The following AGAP1 variants were observed in gnomAD, a reference collection of about 807,000 sequenced individuals.
AGAP1 encodes the protein arf-GAP with GTPase, ANK repeat and PH domain-containing protein 1.
Under a neutral mutation model 105.3 loss-of-function variants are expected in AGAP1, and 29 were observed. The ratio of observed to expected loss-of-function variants is 0.28; its 90% CI spans 0.21 to 0.38. AGAP1 has a LOEUF of 0.38. AGAP1 is among the 10% of genes least tolerant of loss of function. The pLI is 1.00. For missense variants in AGAP1, 998 were observed against 1,165.1 expected (o/e 0.86, Z 2.09); for synonymous variants, 509 against 485.9 (o/e 1.05, Z -0.63).
intron 5 of AGAP1, among the ~76,000 whole-genome samples, chr2:235,746,428 C>T (rs1005501135): frequency 3.3e-4 from 34 of 102,404 alleles, no homozygotes; most frequent in Non-Finnish European, 5.6e-4. Flanking sequence ...TACGTGGTCG[C>T]TCTCACTCCT....
In AGAP1 at chr2:235,968,473, G is replaced by A. The variant is rs1259666321; in HGVS notation, c.1495G>A (p.Gly499Ser). 1 of 1,601,542 alleles carries A rather than the reference G, an allele frequency of 6.2e-7. No individual in the cohort carries two copies. Among genetic ancestry groups the A allele is most frequent in the African/African-American group, 1.4e-5 (1 of 73,460 alleles). Residue 499 changes from glycine (G) to serine (S), a missense_variant, in exon 13 of 18, where the codon GGT becomes AGT. Gly to Ser is a moderately conservative substitution (Grantham distance 56, BLOSUM62 0). Coordinates refer to ENST00000304032, the MANE Select transcript of AGAP1 (RefSeq NM_001037131.3). ...CGGTCCAATGGCAGACACAGGGCTG[G>A]GTGACTCCGTATGCTCCAGCCCCAG... ...NSAISSDTGLGDSVCSSPSIS... is the reference protein window; with the variant it reads ...NSAISSDTGLSDSVCSSPSIS...
At chr2:235,844,208 C>T (rs1435694579) in intron 9 of AGAP1, among the ~76,000 whole-genome samples, 1 of 152,230 alleles carries the variant, frequency 6.6e-6, no homozygotes, top group Admixed American at 6.5e-5. Context: ...TCTCCACTCC[C>T]TGTCCATCTT....
In AGAP1 at chr2:236,020,355, G is replaced by A. The variant is rs1001269780; in HGVS notation, c.1646-16206G>A. Among the ~76,000 whole-genome samples, 4 of 152,214 alleles carry A rather than the reference G, an allele frequency of 2.6e-5. No individual in the cohort carries two copies. Among genetic ancestry groups the A allele is most frequent in the Non-Finnish European group, 4.4e-5 (3 of 68,042 alleles). ...GCCAGGAACAGAGATTTGAAAAGAC[G>A]TGTTGCCCATGAAGCATAGGGGGGA... On this transcript the variant is annotated intron_variant, in intron 13 of 17. Transcript: ENST00000304032. This position sits in a 1 kb window ranked among gnomAD's most constrained non-coding sequence, Gnocchi z 5.0.
At chr2:236,033,768 C>T (rs553579962) in intron 13 of AGAP1, among the ~76,000 whole-genome samples, 95 of 152,376 alleles carry the variant, frequency 6.2e-4, no homozygotes, top group African/African-American at 2.1e-3. Flanking sequence ...ACAAGCTCAG[C>T]TCTTAGCCTT....
At chr2:235,895,428 T>G (rs1408230445) in intron 10 of AGAP1, among the ~76,000 whole-genome samples, 1 of 152,196 alleles carries the variant, frequency 6.6e-6, no homozygotes, top group Non-Finnish European at 1.5e-5. Context: ...TTATCTGGCC[T>G]CCGGGTCTTC....
At chr2:235,500,713 G>A (rs902257151) in intron 1 of AGAP1, among the ~76,000 whole-genome samples, 2 of 152,182 alleles carry the variant, frequency 1.3e-5, no homozygotes, top group African/African-American at 2.4e-5. Context: ...TCATGATGCT[G>A]TTTGAAAAGC....
rs1336639474 is a variant in AGAP1 at position 235,622,671 on chromosome 2, C to T, written c.164-86508C>T. On this transcript the variant is annotated intron_variant, in intron 1 of 17. Transcript: ENST00000304032. The surrounding 1 kb of genome is among the most constrained non-coding windows in gnomAD (Gnocchi z 5.0). ...CTGGCTGGATCAGAAGCACATGGTT[C>T]AGTGGACACTGTCAGAGGTGCTGTG... Among the ~76,000 whole-genome samples the T allele has an allele frequency of 6.6e-6, 1 of 152,092 alleles. No individual in the cohort carries two copies. Among genetic ancestry groups the T allele is most frequent in the Non-Finnish European group, 1.5e-5 (1 of 68,030 alleles).
At chr2:236,103,983 C>T (rs1220053547) in intron 16 of AGAP1, among the ~76,000 whole-genome samples, 1 of 152,260 alleles carries the variant, frequency 6.6e-6, no homozygotes, top group Non-Finnish European at 1.5e-5. Flanking sequence ...CGCCTTACGT[C>T]CTTACTATGT....
chr2:235,758,933 C>G (rs999530097), intron 6 of AGAP1, among the ~76,000 whole-genome samples: 7 of 152,158 alleles, frequency 4.6e-5, no homozygotes, highest in Admixed American at 1.3e-4. Context: ...GCTGGGATTA[C>G]AGGTGCGTGC....
chr2:235,585,954 A>C (rs1248048263), intron 1 of AGAP1, among the ~76,000 whole-genome samples: 1 of 152,144 alleles, frequency 6.6e-6, no homozygotes, highest in African/African-American at 2.4e-5. Context: ...TACATGGAGA[A>C]ATCAGTTAAA....
intron 6 of AGAP1, chr2:235,773,766 TTTCTTCGGAGAATCACAGTTTA>T: frequency 2.7e-6 from 1 of 368,750 alleles, no homozygotes; most frequent in Admixed American, 4.0e-5. Flanking sequence ...GGGGGCTGGT[TTTCTTCGGAGAATCACAGTTTA>T]TCTTCTAATT....
chr2:236,124,480 A>G lies in AGAP1; in HGVS notation c.*358A>G. 1 of 304,618 alleles carries G rather than the reference A, an allele frequency of 3.3e-6. No homozygotes were observed. Among genetic ancestry groups the G allele is most frequent in the Non-Finnish European group, 6.2e-6 (1 of 160,712 alleles). 18.9% of individuals were successfully genotyped at this position (304,618 alleles called of 1,614,324 possible). On this transcript the variant is annotated 3_prime_UTR_variant, in exon 18 of 18. Coordinates refer to ENST00000304032, the MANE Select transcript of AGAP1 (RefSeq NM_001037131.3). This position sits in a 1 kb window ranked among gnomAD's most constrained non-coding sequence, Gnocchi z 5.1. The stretch of plus-strand genomic sequence containing the variant: ...GGAGGGGAGGCGAGGAACAAGGAGA[A>G]GGGGCAACTTTCCTTAACTGGCAGT...
intron 8 of AGAP1, 91 bp from the exon 9 acceptor site, chr2:235,807,148 G>T: frequency 7.7e-7 from 1 of 1,299,370 alleles, no homozygotes; most frequent in Non-Finnish European, 1.1e-6. Flanking sequence ...TTTTCTAAAT[G>T]TGTATTGGCA....
At chr2:235,896,037 G>A (rs74641261) in intron 10 of AGAP1, among the ~76,000 whole-genome samples, 3,494 of 152,250 alleles carry the variant, frequency 0.023, 107 homozygotes, top group African/African-American at 0.08. Context: ...CGTTCACGTT[G>A]TTGGGCAGTC....
At chr2:235,782,222 C>A (rs1011881429) in intron 6 of AGAP1, among the ~76,000 whole-genome samples, 1 of 151,466 alleles carries the variant, frequency 6.6e-6, no homozygotes. Context: ...TGAAGGATAA[C>A]TTTGGCTACT....
At chr2:235,817,554 A>G (rs1197775237) in intron 9 of AGAP1, among the ~76,000 whole-genome samples, 6 of 152,130 alleles carry the variant, frequency 3.9e-5, no homozygotes, top group Non-Finnish European at 8.8e-5. Flanking sequence ...GCTATAAGTA[A>G]ATATATAGGA....
chr2:235,806,288 C>G (rs1424778887), intron 8 of AGAP1, among the ~76,000 whole-genome samples: 2 of 152,122 alleles, frequency 1.3e-5, no homozygotes, highest in African/African-American at 4.8e-5. Context: ...GAGTAATGTT[C>G]CCATTGAAAA....
chr2:235,931,337 G>T lies in AGAP1; in HGVS notation c.1483+414G>T, dbSNP rs2052711821. ...CTAGTGCACATTTTATATCATTAGGGTGAATTCAGTCTCCTTGTCTGTTTT... is the reference window on the plus strand; with the variant it reads ...CTAGTGCACATTTTATATCATTAGGTTGAATTCAGTCTCCTTGTCTGTTTT... On this transcript the variant is annotated intron_variant, in intron 12 of 17. Coordinates refer to ENST00000304032, the MANE Select transcript of AGAP1 (RefSeq NM_001037131.3). This position sits in a 1 kb window ranked among gnomAD's most constrained non-coding sequence, Gnocchi z 5.6. 1.3e-5 allele frequency among the ~76,000 whole-genome samples: 2 copies of T among 152,136 alleles called. No individual in the cohort carries two copies. The highest frequency in any genetic ancestry group is 4.8e-5 in the African/African-American group (2 of 41,436).
chr2:235,999,785 A>G (rs2056033187), intron 13 of AGAP1, among the ~76,000 whole-genome samples: 1 of 148,670 alleles, frequency 6.7e-6, no homozygotes, highest in South Asian at 2.1e-4. Flanking sequence ...GGAGCAGGAG[A>G]TGAGGAACCT....
Sources: allele counts gnomAD v4.1 joint callset (sites outside exome capture counted in the v4.1 genomes callset), GRCh38; gene constraint gnomAD v4.1.1; non-coding constraint Gnocchi (gnomAD v3.1); transcripts MANE v1.5; gene names NCBI Gene and HGNC (gene_info 2026-07-23, HGNC 2026-07-21).